Variants in POU5F1 observed in about 807,000 individuals in gnomAD.
The protein encoded by POU5F1 is POU domain, class 5, transcription factor 1.
POU5F1 carries 6 observed loss-of-function variants against 38.3 expected under a neutral mutation model. That is an observed-to-expected ratio of 0.16 (90% CI 0.09 to 0.31). The LOEUF (loss-of-function observed/expected upper bound fraction) is 0.31. POU5F1 is among the 10% of genes least tolerant of loss of function. The pLI, the probability that POU5F1 is intolerant of heterozygous loss-of-function variation, is 1.00. For synonymous variants in POU5F1, 147 were observed against 194.9 expected (o/e 0.75, Z 2.05); for missense variants, 286 against 462.6 (o/e 0.62, Z 3.50).
chr6:31,170,223 G>A lies in POU5F1; in HGVS notation c.398C>T (p.Pro133Leu), dbSNP rs574320983. 9.2e-5 allele frequency: 148 copies of A among 1,612,888 alleles called. No individual in the cohort carries two copies. The highest frequency in any genetic ancestry group is 1.2e-4 in the Non-Finnish European group (138 of 1,179,836). ...KLEKEKLEQN[P>L]EESQDIKALQ... ...CCGTCGAAGCTCACTTGCCTCCTCCGGGTTTTGCTCCAGCTTCTCCTTCTC... is the reference window on the plus strand; with the variant it reads ...CCGTCGAAGCTCACTTGCCTCCTCCAGGTTTTGCTCCAGCTTCTCCTTCTC... The change falls in exon 1 of 5, where the codon CCG (proline) becomes CTG (leucine). Residue 133 changes from proline to leucine, a missense_variant. Transcript: ENST00000259915.
rs116459486 is a variant in POU5F1, at chr6:31,169,076, T to C, written c.405+1140A>G. 3.9e-3 allele frequency among the ~76,000 whole-genome samples: 593 copies of C among 152,352 alleles called. 18 individuals carry two copies. The South Asian group carries it at 0.069, about 18-fold the overall frequency. Reference sequence around the variant, plus strand: ...TATCTTGGATTTTCCAAATTCTGTTTTGGGGTTTTGGAATAAACACTGGTC... The same window carrying C: ...TATCTTGGATTTTCCAAATTCTGTTCTGGGGTTTTGGAATAAACACTGGTC... On this transcript the variant is annotated intron_variant, in intron 1 of 4. Transcript: ENST00000259915.
chr6:31,166,900 G>A (rs958551486), intron 1 of POU5F1: 61 of 1,312,766 alleles, frequency 4.6e-5, no homozygotes, highest in South Asian at 3.5e-4. Context: ...CAGCAAAAAA[G>A]TAACAGGTGT....
intron 1 of POU5F1, among the ~76,000 whole-genome samples, chr6:31,168,907 A>G (rs1416867053): frequency 6.6e-6 from 1 of 152,214 alleles, no homozygotes; most frequent in Non-Finnish European, 1.5e-5. Context: ...GTGCACAGCT[A>G]GTGAGAAAAA....
chr6:31,165,420 T>C lies in POU5F1; in HGVS notation c.658-134A>G. On this transcript the variant is annotated intron_variant, in intron 3 of 4. Transcript: ENST00000259915. The surrounding 1 kb of genome is among the most constrained non-coding windows in gnomAD (Gnocchi z 6.5). ...AAGGCAGGATCCTGGAAGGGTTGGCTCTGGACCTTATCCCAGCAGAACTGA... is the reference window on the plus strand; with the variant it reads ...AAGGCAGGATCCTGGAAGGGTTGGCCCTGGACCTTATCCCAGCAGAACTGA... 2 of 1,563,628 alleles carry C rather than the reference T, an allele frequency of 1.3e-6. No individual in the cohort carries two copies. Among genetic ancestry groups the C allele is most frequent in the Non-Finnish European group, 1.7e-6 (2 of 1,151,840 alleles).
intron 1 of POU5F1, chr6:31,169,954 C>T (rs1275414982): frequency 1.2e-5 from 7 of 599,382 alleles, no homozygotes; most frequent in African/African-American, 3.7e-5. Context: ...CAAAGGCCAG[C>T]CTGGGCCAGC....
At chr6:31,168,767 C>G (rs376342869) in intron 1 of POU5F1, among the ~76,000 whole-genome samples, 1 of 152,064 alleles carries the variant, frequency 6.6e-6, no homozygotes, top group African/African-American at 2.4e-5. Flanking sequence ...AGACAGAAAA[C>G]GCGGTAGTCA....
chr6:31,167,104 T>G (rs1223033686), intron 1 of POU5F1: 5 of 486,152 alleles, frequency 1.0e-5, no homozygotes, highest in Non-Finnish European at 2.0e-5. Context: ...ATGACAGAAG[T>G]GCTATTTGGC....
chr6:31,166,417 T>C, intron 1 of POU5F1: 2 of 1,372,684 alleles, frequency 1.5e-6, no homozygotes, highest in Non-Finnish European at 1.9e-6. Flanking sequence ...TTCCAGCACT[T>C]TGGGAGGCCG....
Position 31,170,480 on chromosome 6 carries a change from G to T in POU5F1, c.141C>A (p.Ile47=), listed in dbSNP as rs766077489. The T allele has an allele frequency of 1.2e-6, 2 of 1,603,194 alleles. No individual in the cohort carries two copies. Among genetic ancestry groups the T allele is most frequent in the South Asian group, 1.1e-5 (1 of 89,910 alleles). Residue 47 remains isoleucine (I), a synonymous_variant, in exon 1 of 5, where the codon ATC becomes ATA. Transcript: ENST00000259915. ...CAGAGCCTGGCCCAACCCCCGGCCC[G>T]ATTCCTGGCCCTCCAGGAGGGCCTT... ...SFQGPPGGPG[I]GPGVGPGSEV...
intron 1 of POU5F1, among the ~76,000 whole-genome samples, chr6:31,168,029 G>A (rs1777404239): frequency 6.6e-6 from 1 of 151,808 alleles, no homozygotes; most frequent in Non-Finnish European, 1.5e-5. Flanking sequence ...TGCAATCTCC[G>A]CCTTCTGGGT....
At chr6:31,166,546 C>T (rs151095308) in intron 1 of POU5F1, 72,804 of 981,724 alleles carry the variant, frequency 0.074, 3,122 homozygotes, top group Middle Eastern at 0.13. Flanking sequence ...GTAATCCCAG[C>T]TACTCAGGAG....
intron 1 of POU5F1, among the ~76,000 whole-genome samples, chr6:31,167,553 C>G (rs1250846652): frequency 6.6e-6 from 1 of 151,860 alleles, no homozygotes; most frequent in Non-Finnish European, 1.5e-5. Context: ...ACTAAAAATA[C>G]AAAAATTAGC....
At chr6:31,167,851 G>T (rs555931299) in intron 1 of POU5F1, among the ~76,000 whole-genome samples, 1 of 152,194 alleles carries the variant, frequency 6.6e-6, no homozygotes, top group Non-Finnish European at 1.5e-5. Context: ...GCCCTGAAGT[G>T]GGCCTTCCAG....
At chr6:31,166,893 C>A (rs1443317976) in intron 1 of POU5F1, 20 of 1,316,230 alleles carry the variant, frequency 1.5e-5, no homozygotes, top group Non-Finnish European at 1.9e-5. Flanking sequence ...ACAAACACAG[C>A]AAAAAAGTAA....
intron 1 of POU5F1, among the ~76,000 whole-genome samples, chr6:31,169,456 A>G (rs371393732): frequency 1.3e-5 from 2 of 150,428 alleles, no homozygotes; most frequent in East Asian, 1.9e-4. Context: ...CAGCAGCTCT[A>G]TATTTGCAAA....
rs1376223942 is a variant in POU5F1 at position 31,164,882 on chromosome 6, CAGAA to C, written c.817-19_817-16del. ...ACTCGGACCACCTGCAAGTGAATGA[CAGAA>C]AGGAGAATGACATTAGACAATGAGC... is the stretch of plus-strand genomic sequence containing the variant. On this transcript the variant is annotated splice_polypyrimidine_tract_variant and intron_variant, in intron 4 of 4. Coordinates refer to ENST00000259915, the MANE Select transcript of POU5F1 (RefSeq NM_002701.6). 1.9e-6 allele frequency: 3 copies of C among 1,603,304 alleles called. No individual in the cohort carries two copies. In the African/African-American group the frequency reaches 4.2e-5, roughly 22 times the overall value.
rs1777169354 is a variant in POU5F1 at position 31,165,631 on chromosome 6, C to T, written c.597G>A (p.Lys199=). The change falls in exon 3 of 5, where the codon AAG becomes AAA. Residue 199 remains lysine, a synonymous_variant. Coordinates refer to ENST00000259915, the MANE Select transcript of POU5F1 (RefSeq NM_002701.6). This position sits in a 1 kb window ranked among gnomAD's most constrained non-coding sequence, Gnocchi z 6.5. ...ALQLSFKNMC[K]LRPLLQKWVE... is the part of the protein sequence containing the mutation. Reference sequence around the variant, plus strand: ...CCCACTTCTGCAGCAAGGGCCGCAGCTTACACATGTTCTTGAAGCTAAGCT... The same window carrying T: ...CCCACTTCTGCAGCAAGGGCCGCAGTTTACACATGTTCTTGAAGCTAAGCT... 6.2e-7 allele frequency: 1 copy of T among 1,613,990 alleles called. No homozygotes were observed. Among genetic ancestry groups the T allele is most frequent in the Admixed American group, 1.7e-5 (1 of 59,994 alleles).
In POU5F1 at chr6:31,164,663, C is replaced by G; in HGVS notation, c.1021G>C (p.Glu341Gln). 1.9e-6 allele frequency: 3 copies of G among 1,586,850 alleles called. No individual in the cohort carries two copies. Among genetic ancestry groups the G allele is most frequent in the Non-Finnish European group, 2.6e-6 (3 of 1,166,720 alleles). Reference protein sequence around the residue: ...TALYSSVPFPEGEAFPPVSVT... With the variant: ...TALYSSVPFPQGEAFPPVSVT... ...GAGACAGGGGGAAAGGCTTCCCCCT[C>G]AGGGAAAGGGACCGAGGAGTACAGT... Residue 341 changes from glutamate (E) to glutamine (Q), a missense_variant, in exon 5 of 5, where the codon GAG (glutamate) becomes CAG (glutamine). This residue lies in a region of POU5F1 where 110 missense variants were observed against 277.8 expected (regional missense o/e 0.40). Transcript: ENST00000259915.
At chr6:31,168,725 CA>C (rs1269554518) in intron 1 of POU5F1, among the ~76,000 whole-genome samples, 1 of 152,080 alleles carries the variant, frequency 6.6e-6, no homozygotes, top group East Asian at 1.9e-4. Flanking sequence ...ACTGGGTGAT[CA>C]GGGTGGAGCA....
Sources: allele counts gnomAD v4.1 joint callset (sites outside exome capture counted in the v4.1 genomes callset), GRCh38; gene constraint gnomAD v4.1.1; regional missense constraint gnomAD v4.1.1; non-coding constraint Gnocchi (gnomAD v3.1); transcripts MANE v1.5; gene names NCBI Gene and HGNC (gene_info 2026-07-23, HGNC 2026-07-21).